The following MTMR9 variants were observed in gnomAD, a reference collection of about 807,000 sequenced individuals.
MTMR9 encodes the protein myotubularin-related protein 9.
In MTMR9, 39 loss-of-function variants were observed where a neutral mutation model predicts 69.5. That is an observed-to-expected ratio of 0.56 (90% confidence interval 0.43 to 0.73). The LOEUF (loss-of-function observed/expected upper bound fraction) is 0.73, where lower values mean the gene tolerates loss of function less well. Ranked by LOEUF, MTMR9 falls within the 30% of genes least tolerant of loss-of-function variation. The pLI is 0.00. For missense variants in MTMR9, 900 were observed against 671.2 expected, an observed-to-expected ratio of 1.34 and a Z score of -3.77; for synonymous variants, 354 against 240.8, an observed-to-expected ratio of 1.47 and a Z score of -4.35.
At chr8:11,311,500 A>G (rs1282869799) in intron 6 of MTMR9, among the ~76,000 whole-genome samples, 1 of 152,244 alleles carries the variant, frequency 6.6e-6, no homozygotes, top group African/African-American at 2.4e-5. Context: ...GTGCATATAA[A>G]GTTATGTTTA....
intron 6 of MTMR9, among the ~76,000 whole-genome samples, chr8:11,311,523 G>C (rs948186631): frequency 6.6e-5 from 10 of 152,196 alleles, no homozygotes; most frequent in African/African-American, 2.4e-4. Context: ...CTATAATGCA[G>C]TCTGTTAATT....
rs571112173 is a variant in MTMR9 at position 11,322,870 on chromosome 8, C to T, written c.*82C>T. 6.8e-6 allele frequency: 9 copies of T among 1,330,190 alleles called. No individual in the cohort carries two copies. Among genetic ancestry groups the T allele is most frequent in the East Asian group, 4.7e-5 (2 of 42,690 alleles). 82.4% of individuals were successfully genotyped at this position (1,330,190 alleles called of 1,614,324 possible). A position where few individuals can be genotyped will look rare whatever the true frequency, so the allele number is the denominator to read the frequency against. On this transcript the variant is annotated 3_prime_UTR_variant, in exon 10 of 10. Coordinates refer to ENST00000221086, the MANE Select transcript of MTMR9 (RefSeq NM_015458.4). Reference sequence around the variant, plus strand: ...CCTTGTGCCCTTCAGTTCACTTTTACACGGTAGCCTTGAAGTGAAGGCTTT... The same window carrying T: ...CCTTGTGCCCTTCAGTTCACTTTTATACGGTAGCCTTGAAGTGAAGGCTTT...
rs1007782618 is a variant in MTMR9, at chr8:11,309,784, G to T, written c.971+96G>T. ...ATGTTTATAGATTATGTGAAAGTTT[G>T]CAGTAAATTACTGTGTAGGCTAGTC... On this transcript the variant is annotated intron_variant, in intron 6 of 9. Coordinates refer to ENST00000221086, the MANE Select transcript of MTMR9 (RefSeq NM_015458.4). 7 of 1,386,218 alleles carry T rather than the reference G, an allele frequency of 5.0e-6. No individual in the cohort carries two copies. The African/African-American group carries it at 1.0e-4, about 20-fold the overall frequency. 85.9% of individuals were successfully genotyped at this position (1,386,218 alleles called of 1,614,324 possible).
At chr8:11,313,149 C>T (rs748429608) in intron 6 of MTMR9, among the ~76,000 whole-genome samples, 9 of 152,186 alleles carry the variant, frequency 5.9e-5, no homozygotes, top group Non-Finnish European at 1.0e-4. Context: ...CATTTTTTCG[C>T]TGACAAGAGA....
intron 1 of MTMR9, among the ~76,000 whole-genome samples, chr8:11,286,580 C>T (rs1427314669): frequency 6.7e-6 from 1 of 148,378 alleles, no homozygotes; most frequent in Non-Finnish European, 1.5e-5. Flanking sequence ...GCGGAAAAAT[C>T]GCTTGAACCT....
downstream of MTMR9, among the ~76,000 whole-genome samples, chr8:11,329,984 G>A (rs2117493419): frequency 6.6e-6 from 1 of 151,682 alleles, no homozygotes; most frequent in South Asian, 2.1e-4. Flanking sequence ...TGAGAAGTGA[G>A]GAGCCCCTCC....
Position 11,309,677 on chromosome 8 carries a change from G to T in MTMR9, c.960G>T (p.Gln320His). 1 of 1,613,632 alleles carries T rather than the reference G, an allele frequency of 6.2e-7. No homozygotes were observed. The highest frequency in any genetic ancestry group is 1.3e-5 in the African/African-American group (1 of 75,012). ...TGACAACTGCCTGCCTAGCGGCTCA[G>T]TGCATCGACAGGTAAAGTGCATTTC... ...EILTTACLAA[Q>H]CIDREGASIL... Residue 320 changes from glutamine to histidine, a missense_variant, in exon 6 of 10, where the codon CAG (glutamine) becomes CAT (histidine). Physicochemically the swap from Gln to His is conservative, Grantham distance 24 (BLOSUM62 0). Coordinates refer to ENST00000221086, the MANE Select transcript of MTMR9 (RefSeq NM_015458.4).
At chr8:11,317,054 A>T (rs968409011) in intron 8 of MTMR9, 161 bp downstream of exon 8, 1 of 483,854 alleles carries the variant, frequency 2.1e-6, no homozygotes, top group African/African-American at 2.0e-5. Flanking sequence ...CCTGAAGTAT[A>T]TTCTTTTATG....
chr8:11,322,440 A>C (rs1345723144), intron 9 of MTMR9, among the ~76,000 whole-genome samples, 185 bp from the exon 10 acceptor site: 1 of 152,228 alleles, frequency 6.6e-6, no homozygotes, highest in Non-Finnish European at 1.5e-5. Flanking sequence ...ATTGTATTCA[A>C]TTGCATCCTT....
Position 11,306,236 on chromosome 8 carries a change from G to C in MTMR9, c.638G>C (p.Arg213Thr). Residue 213 changes from arginine (R) to threonine (T), a missense_variant, in exon 5 of 10, where the codon AGG becomes ACG. Transcript: ENST00000221086. ...CCACTCACTGGTACAAACGGGAGGA[G>C]GTGCAAGGAGGACGAGAAGCTGATA... ...GQPLTGTNGR[R>T]CKEDEKLINA... is the part of the protein sequence containing the mutation. 1 of 1,613,688 alleles carries C rather than the reference G, an allele frequency of 6.2e-7. No individual in the cohort carries two copies. The highest frequency in any genetic ancestry group is 8.5e-7 in the Non-Finnish European group (1 of 1,179,934).
At chr8:11,322,595 G>C (rs779248332) in intron 9 of MTMR9, 30 bp from the exon 10 acceptor site, 4 of 1,598,236 alleles carry the variant, frequency 2.5e-6, no homozygotes, top group Non-Finnish European at 3.4e-6. Flanking sequence ...TACCTTTCTT[G>C]CTTCTGTTTT....
At chr8:11,309,786 A>G (rs1023546464) in intron 6 of MTMR9, 98 bp downstream of exon 6, 6 of 1,358,726 alleles carry the variant, frequency 4.4e-6, no homozygotes, top group African/African-American at 4.3e-5. Flanking sequence ...GAAAGTTTGC[A>G]GTAAATTACT....
chr8:11,309,428 C>A, intron 5 of MTMR9, 99 bp from the exon 6 acceptor site: 1 of 996,836 alleles, frequency 1.0e-6, no homozygotes, highest in Non-Finnish European at 1.5e-6. Flanking sequence ...TTTTGAACTA[C>A]TTTTGCTCTT....
In MTMR9 at chr8:11,326,236, A is replaced by G. The variant is rs968497726; in HGVS notation, c.*3448A>G. The G allele has an allele frequency of 4.9e-5, 7 of 142,628 alleles. No homozygotes were observed. The East Asian group carries it at 1.4e-3, about 29-fold the overall frequency. The allele number at this position is 142,628 out of a possible 1,614,324, so 8.8% of individuals were successfully genotyped here. On this transcript the variant is annotated 3_prime_UTR_variant, in exon 10 of 10. Transcript: ENST00000221086. The stretch of plus-strand genomic sequence containing the variant: ...GGATAGCTGTTTGAATTGTCATTCT[A>G]AAGTAGGTCATCAGGTTCACTTATT...
chr8:11,319,563 C>G, intron 8 of MTMR9, 124 bp from the exon 9 acceptor site: 4 of 978,268 alleles, frequency 4.1e-6, no homozygotes, highest in Non-Finnish European at 6.0e-6. Flanking sequence ...CACTTTGTTT[C>G]TCTACCAAAA....
chr8:11,312,069 G>T (rs1234631696), intron 6 of MTMR9, among the ~76,000 whole-genome samples: 1 of 152,054 alleles, frequency 6.6e-6, no homozygotes, highest in Non-Finnish European at 1.5e-5. Context: ...TTAGGAGACA[G>T]GGCCTTGCTC....
intron 3 of MTMR9, among the ~76,000 whole-genome samples, chr8:11,302,363 A>G (rs751049368): frequency 2.0e-5 from 3 of 151,628 alleles, no homozygotes; most frequent in Admixed American, 1.3e-4. Context: ...AATCAGTAGA[A>G]GTTATTGAAC....
chr8:11,313,081 C>T (rs1800268462), intron 6 of MTMR9, among the ~76,000 whole-genome samples: 1 of 152,222 alleles, frequency 6.6e-6, no homozygotes, highest in South Asian at 2.1e-4. Context: ...ACCCTTAAGG[C>T]CCCTAGGATT....
At chr8:11,287,768 T>G (rs1302516396) in intron 1 of MTMR9, among the ~76,000 whole-genome samples, 1 of 131,132 alleles carries the variant, frequency 7.6e-6, no homozygotes, top group Admixed American at 8.4e-5. Flanking sequence ...TATTTATTTA[T>G]TATATATTTA....
Sources: allele counts gnomAD v4.1 joint callset (sites outside exome capture counted in the v4.1 genomes callset), GRCh38; gene constraint gnomAD v4.1.1; transcripts MANE v1.5; gene names NCBI Gene and HGNC (gene_info 2026-07-23, HGNC 2026-07-21).